Variants in NEK11 observed in about 807,000 individuals in gnomAD.
The protein encoded by NEK11 is NIMA related kinase 11, also known as serine/threonine-protein kinase Nek11.
NEK11 carries 72 observed loss-of-function variants against 80.7 expected under a neutral mutation model. The ratio of observed to expected loss-of-function variants is 0.89; its 90% CI spans 0.74 to 1.08. NEK11 has a LOEUF of 1.08. Ranked by LOEUF, NEK11 falls within the 50% of genes least tolerant of loss-of-function variation. The pLI is 0.00. For missense variants in NEK11, 764 were observed against 763.6 expected (o/e 1.00, Z -0.01); for synonymous variants, 251 against 260.7 (o/e 0.96, Z 0.36).
intron 3 of NEK11, among the ~76,000 whole-genome samples, chr3:131,031,326 T>G (rs72987838): frequency 7.5e-4 from 115 of 152,328 alleles, no homozygotes; most frequent in African/African-American, 2.5e-3. Context: ...ATTTTTTCTC[T>G]TTAATCCTAG....
chr3:131,189,262 G>C (rs1412736863), intron 14 of NEK11, among the ~76,000 whole-genome samples: 1 of 152,122 alleles, frequency 6.6e-6, no homozygotes, highest in East Asian at 1.9e-4. Flanking sequence ...AAATTTGTGG[G>C]ACTTCATTAC....
At chr3:131,314,449 A>G (rs191273707) in intron 17 of NEK11, among the ~76,000 whole-genome samples, 22 of 152,340 alleles carry the variant, frequency 1.4e-4, no homozygotes, top group Admixed American at 1.2e-3. Flanking sequence ...TCAACTTGTC[A>G]TTCACCATGA....
At chr3:131,028,704 G>A (rs1263371858) in intron 2 of NEK11, among the ~76,000 whole-genome samples, 2 of 152,156 alleles carry the variant, frequency 1.3e-5, no homozygotes, top group Non-Finnish European at 2.9e-5. Flanking sequence ...TGGGACTGCA[G>A]GCGCCCGCTA....
chr3:131,106,838 G>T (rs1431615134), intron 4 of NEK11, among the ~76,000 whole-genome samples: 1 of 151,956 alleles, frequency 6.6e-6, no homozygotes, highest in African/African-American at 2.4e-5. Flanking sequence ...CATAAAAACA[G>T]ATCTTGTAGT....
At chr3:131,296,783 G>A (rs936020544) in intron 17 of NEK11, among the ~76,000 whole-genome samples, 5 of 151,972 alleles carry the variant, frequency 3.3e-5, no homozygotes, top group African/African-American at 9.7e-5. Context: ...TTAGCATTAG[G>A]TATAGCTCCT....
intron 17 of NEK11, among the ~76,000 whole-genome samples, chr3:131,331,394 A>T (rs566097577): frequency 2.0e-5 from 3 of 152,344 alleles, no homozygotes; most frequent in African/African-American, 7.2e-5. Flanking sequence ...TTAGATGATA[A>T]TGACCTTCCG....
intron 16 of NEK11, among the ~76,000 whole-genome samples, chr3:131,260,128 G>A (rs1468502111): frequency 6.6e-6 from 1 of 152,134 alleles, no homozygotes; most frequent in Non-Finnish European, 1.5e-5. Context: ...GGAGAAATGA[G>A]ATGGAAGACA....
At chr3:131,251,003 T>G (rs2095690222) in intron 16 of NEK11, among the ~76,000 whole-genome samples, 1 of 151,870 alleles carries the variant, frequency 6.6e-6, no homozygotes, top group Admixed American at 6.6e-5. Flanking sequence ...GTAACTATAT[T>G]GGAAAGATGG....
chr3:131,280,241 C>A (rs2096374058), intron 17 of NEK11, among the ~76,000 whole-genome samples: 1 of 152,138 alleles, frequency 6.6e-6, no homozygotes, highest in Non-Finnish European at 1.5e-5. Context: ...CTTTGCATTG[C>A]CAATTCATGC....
chr3:131,117,609 A>G (rs2081502761), intron 5 of NEK11, among the ~76,000 whole-genome samples: 1 of 152,224 alleles, frequency 6.6e-6, no homozygotes, highest in South Asian at 2.1e-4. Context: ...ACCCATGAGC[A>G]TGGAATGTTC....
chr3:131,253,168 G>A (rs980163829), intron 16 of NEK11, among the ~76,000 whole-genome samples: 1 of 152,124 alleles, frequency 6.6e-6, no homozygotes, highest in Non-Finnish European at 1.5e-5. Context: ...TATGGTCCTT[G>A]TCATGAGGTG....
intron 17 of NEK11, among the ~76,000 whole-genome samples, chr3:131,298,117 T>C (rs1321261852): frequency 6.6e-6 from 1 of 152,192 alleles, no homozygotes; most frequent in Non-Finnish European, 1.5e-5. Flanking sequence ...AGCTTTGTTC[T>C]TTTGGCTTAG....
chr3:131,302,223 A>C (rs1206095350), intron 17 of NEK11, among the ~76,000 whole-genome samples: 1 of 151,532 alleles, frequency 6.6e-6, no homozygotes. Flanking sequence ...GTTATTTCTA[A>C]TTGTGTTTAT....
At chr3:131,174,975 C>T in intron 14 of NEK11, 1 of 1,382,972 alleles carries the variant, frequency 7.2e-7, no homozygotes, top group South Asian at 1.7e-5. Flanking sequence ...AATCACTGAG[C>T]CCAATGCTCA....
intron 3 of NEK11, among the ~76,000 whole-genome samples, chr3:131,062,005 A>C (rs1234001440): frequency 6.6e-6 from 1 of 152,236 alleles, no homozygotes; most frequent in Non-Finnish European, 1.5e-5. Flanking sequence ...TAACGAATGA[A>C]TTCAATGGGC....
At position 131,114,441 on chromosome 3, in the gene NEK11, G is replaced by T. The variant is rs1578461562; in HGVS notation, c.455+4520G>T. 2.0e-5 allele frequency among the ~76,000 whole-genome samples: 3 copies of T among 152,118 alleles called. No individual in the cohort carries two copies. In the East Asian group the frequency reaches 5.8e-4, roughly 29 times the overall value. On this transcript the variant is annotated intron_variant, in intron 5 of 17. Transcript: ENST00000383366. ...TCATTTCCTGCTCATGTTGCATATT[G>T]ACAGATATGGGTCATCTGCAAGTCT...
chr3:131,231,611 A>T (rs552953669), intron 15 of NEK11, among the ~76,000 whole-genome samples: 23 of 151,860 alleles, frequency 1.5e-4, no homozygotes, highest in South Asian at 1.3e-3. Flanking sequence ...GGTAATTACA[A>T]CCCCATTTGT....
intron 17 of NEK11, among the ~76,000 whole-genome samples, chr3:131,277,043 T>A (rs1049894066): frequency 6.6e-6 from 1 of 152,238 alleles, no homozygotes; most frequent in African/African-American, 2.4e-5. Context: ...GTCTGTTGTT[T>A]CCTCATTATG....
At chr3:131,122,333 A>G (rs2082525252) in intron 5 of NEK11, among the ~76,000 whole-genome samples, 1 of 152,188 alleles carries the variant, frequency 6.6e-6, no homozygotes, top group African/African-American at 2.4e-5. Context: ...TCTTGAGGAT[A>G]TCCTGCAGTC....
Sources: gnomAD v4.1 joint callset for allele counts (sites outside exome capture counted in the v4.1 genomes callset) on GRCh38, gnomAD v4.1.1 for gene constraint, MANE v1.5 for transcripts, NCBI Gene and HGNC (gene_info 2026-07-23, HGNC 2026-07-21) for gene names.